The following SMC5 variants were observed in gnomAD, a reference collection of about 807,000 sequenced individuals.
SMC5 encodes structural maintenance of chromosomes 5.
A neutral mutation model predicts 148.3 loss-of-function variants in SMC5; 88 were observed. The ratio of observed to expected loss-of-function variants is 0.59; its 90% CI spans 0.50 to 0.71. SMC5 has a LOEUF of 0.71. SMC5 is among the 30% of genes least tolerant of loss of function. SMC5 has a pLI of 0.00. For synonymous variants in SMC5, 421 were observed against 432.8 expected (o/e 0.97, Z 0.34); for missense variants, 1,142 against 1,298.9 (o/e 0.88, Z 1.86).
At position 70,347,116 on chromosome 9, in the gene SMC5, T is replaced by C; in HGVS notation, c.2619T>C (p.Thr873=). The C allele has an allele frequency of 1.2e-6, 2 of 1,614,036 alleles. No homozygotes were observed. The highest frequency in any genetic ancestry group is 1.7e-6 in the Non-Finnish European group (2 of 1,179,976). ...TGGATGAAATTGATGCTTTATTAACTGAAGAAAGATCAAGAGCTTCCTGCT... is the reference window on the plus strand; with the variant it reads ...TGGATGAAATTGATGCTTTATTAACCGAAGAAAGATCAAGAGCTTCCTGCT... The part of the protein sequence containing the change: ...NTLDEIDALL[T]EERSRASCFT... Residue 873 remains threonine (T), a synonymous_variant, in exon 20 of 25, where the codon ACT becomes ACC. Transcript: ENST00000361138.
At chr9:70,292,596 C>A (rs908577672) in intron 8 of SMC5, among the ~76,000 whole-genome samples, 1 of 152,082 alleles carries the variant, frequency 6.6e-6, no homozygotes, top group African/African-American at 2.4e-5. Context: ...AGGAGGAAAG[C>A]ATTCAGTTTT....
Position 70,308,762 on chromosome 9 carries a change from AT to A in SMC5, c.1578+3408del, listed in dbSNP as rs552606738. Among the ~76,000 whole-genome samples the A allele has an allele frequency of 1.8e-4, 27 of 152,046 alleles. 1 individual carries two copies. In the South Asian group the frequency reaches 4.6e-3, roughly 26 times the overall value. On this transcript the variant is annotated intron_variant, in intron 11 of 24. Coordinates refer to ENST00000361138, the MANE Select transcript of SMC5 (RefSeq NM_015110.4). ...ATTTCACTGTCTAATTTTAAAATAT[AT>A]TTTTTACACTATCATAAATGGATTT...
chr9:70,344,246 ACT>A lies in SMC5; in HGVS notation c.2503_2504del (p.Leu835SerfsTer32), dbSNP rs1431659164. On this transcript the variant is annotated frameshift_variant, in exon 18 of 25. Transcript: ENST00000361138. LOFTEE classifies it high-confidence loss of function. ...RQVCNLGAEQ[T>X]LPQEYQTQVP... ...AGTATGTAACCTGGGTGCAGAGCAG[ACT>A]CTTCCTCAAGAATACCAGACAGTAA... 2 of 1,477,092 alleles carry A rather than the reference ACT, an allele frequency of 1.4e-6. No homozygotes were observed. The highest frequency in any genetic ancestry group is 2.8e-5 in the African/African-American group (2 of 70,276). The allele number at this position is 1,477,092 out of a possible 1,614,324, so 91.5% of individuals were successfully genotyped here. A position where few individuals can be genotyped will look rare whatever the true frequency, so the allele number is the denominator to read the frequency against.
intron 17 of SMC5, among the ~76,000 whole-genome samples, chr9:70,335,059 A>G (rs545595052): frequency 1.8e-4 from 28 of 152,324 alleles, no homozygotes; most frequent in African/African-American, 6.5e-4. Context: ...ACTGGTGGGA[A>G]TTTAAAATGT....
chr9:70,348,934 C>CA (rs985740150), intron 22 of SMC5, among the ~76,000 whole-genome samples: 12 of 150,060 alleles, frequency 8.0e-5, no homozygotes, highest in African/African-American at 2.2e-4. Flanking sequence ...GACTCTGTCT[C>CA]AAAAAAAAAG....
rs1305059954 is a variant in SMC5 at position 70,352,915 on chromosome 9, T to C, written c.*584T>C. The C allele has an allele frequency of 6.6e-6, 1 of 151,942 alleles. No homozygotes were observed. Among genetic ancestry groups the C allele is most frequent in the Non-Finnish European group, 1.5e-5 (1 of 68,002 alleles). 9.4% of individuals were successfully genotyped at this position (151,942 alleles called of 1,614,324 possible). On this transcript the variant is annotated 3_prime_UTR_variant, in exon 25 of 25. Coordinates refer to ENST00000361138, the MANE Select transcript of SMC5 (RefSeq NM_015110.4). Reference sequence around the variant, plus strand: ...TTTTATGAAACTTGATGCTATAATTTTATTGGTATTTCAAGGGGAAAAAAG... The same window carrying C: ...TTTTATGAAACTTGATGCTATAATTCTATTGGTATTTCAAGGGGAAAAAAG...
chr9:70,318,318 G>C (rs998891795), intron 13 of SMC5, among the ~76,000 whole-genome samples, 196 bp from the exon 14 acceptor site: 2 of 152,090 alleles, frequency 1.3e-5, no homozygotes, highest in African/African-American at 2.4e-5. Flanking sequence ...AGCCTGGGGG[G>C]TTGAGGCTGG....
At chr9:70,323,692 T>C in intron 16 of SMC5, 86 bp downstream of exon 16, 3 of 1,355,360 alleles carry the variant, frequency 2.2e-6, no homozygotes, top group Non-Finnish European at 3.0e-6. Context: ...AGGGAAGGTT[T>C]TGATTAAGGT....
At chr9:70,298,816 C>T (rs1232359998) in intron 9 of SMC5, among the ~76,000 whole-genome samples, 1 of 151,472 alleles carries the variant, frequency 6.6e-6, no homozygotes. Flanking sequence ...CAAGAGTAAG[C>T]ACTTTTAACT....
At chr9:70,303,887 G>A (rs1007426858) in intron 10 of SMC5, among the ~76,000 whole-genome samples, 2 of 151,832 alleles carry the variant, frequency 1.3e-5, no homozygotes, top group Non-Finnish European at 2.9e-5. Flanking sequence ...GGAAATAATC[G>A]ATCTCTAAAA....
intron 3 of SMC5, among the ~76,000 whole-genome samples, chr9:70,277,030 C>T (rs746073869): frequency 6.6e-6 from 1 of 152,124 alleles, no homozygotes; most frequent in Non-Finnish European, 1.5e-5. Context: ...AGCTATGTGA[C>T]TCCTCTAGTA....
chr9:70,267,998 C>T (rs773607729), intron 3 of SMC5, 23 bp downstream of exon 3: 3 of 1,576,824 alleles, frequency 1.9e-6, no homozygotes, highest in African/African-American at 1.4e-5. Flanking sequence ...AGTGCTAAAA[C>T]TCCTTTTTCC....
chr9:70,286,100 G>A, intron 7 of SMC5, 100 bp from the exon 8 acceptor site: 1 of 736,716 alleles, frequency 1.4e-6, no homozygotes, highest in South Asian at 1.6e-5. Context: ...GATGTAAATT[G>A]TTGTGGGTTA....
chr9:70,285,344 C>G (rs1198477361), intron 7 of SMC5, among the ~76,000 whole-genome samples: 2 of 152,212 alleles, frequency 1.3e-5, no homozygotes, highest in Non-Finnish European at 2.9e-5. Flanking sequence ...GTGCTTAATT[C>G]TTCCATCATC....
chr9:70,309,277 T>C (rs950530926), intron 11 of SMC5, among the ~76,000 whole-genome samples: 55 of 149,832 alleles, frequency 3.7e-4, no homozygotes, highest in African/African-American at 1.2e-3. Context: ...CTGTAGCATA[T>C]GATAGCATTT....
chr9:70,298,033 G>T lies in SMC5; in HGVS notation c.1121G>T (p.Gly374Val), dbSNP rs1028862305. 2.5e-6 allele frequency: 4 copies of T among 1,613,926 alleles called. No homozygotes were observed. The highest frequency in any genetic ancestry group is 2.5e-6 in the Non-Finnish European group (3 of 1,179,912). Residue 374 changes from glycine to valine, a missense_variant, in exon 9 of 25, where the codon GGT (glycine) becomes GTT (valine). Transcript: ENST00000361138. Reference sequence around the variant, plus strand: ...GAGCTTGACCGACAGAGGAGAATAGGTAATACCCGCAAAATGATAGAGGAT... The same window carrying T: ...GAGCTTGACCGACAGAGGAGAATAGTTAATACCCGCAAAATGATAGAGGAT... ...NEELDRQRRI[G>V]NTRKMIEDLQ...
chr9:70,345,903 G>T (rs1308485165), intron 18 of SMC5, among the ~76,000 whole-genome samples: 1 of 152,136 alleles, frequency 6.6e-6, no homozygotes, highest in Non-Finnish European at 1.5e-5. Flanking sequence ...ATGAATTAGG[G>T]TGATAGCACT....
At chr9:70,307,120 T>C (rs1411662067) in intron 11 of SMC5, among the ~76,000 whole-genome samples, 1 of 152,162 alleles carries the variant, frequency 6.6e-6, no homozygotes, top group African/African-American at 2.4e-5. Context: ...AGGCCAGGCA[T>C]GGTGGTTCAT....
intron 11 of SMC5, chr9:70,311,560 T>G (rs2035658236): frequency 6.6e-6 from 1 of 152,136 alleles, no homozygotes; most frequent in Non-Finnish European, 1.5e-5. Flanking sequence ...TAGACTTTTT[T>G]TGACATAGGG....
Sources: allele counts gnomAD v4.1 joint callset (sites outside exome capture counted in the v4.1 genomes callset), GRCh38; gene constraint gnomAD v4.1.1; transcripts MANE v1.5; gene names NCBI Gene and HGNC (gene_info 2026-07-23, HGNC 2026-07-21).